LRRC7: variants seen among roughly 807,000 people sequenced by gnomAD.
LRRC7 encodes the protein leucine rich repeat containing 7, also known as leucine-rich repeat-containing protein 7.
LRRC7 carries 23 observed loss-of-function variants against 175.7 expected under a neutral mutation model. The ratio of observed to expected loss-of-function variants is 0.13; its 90% CI spans 0.09 to 0.19. LRRC7 has a LOEUF of 0.19. LRRC7 is among the 10% of genes least tolerant of loss of function. The pLI is 1.00. For missense variants in LRRC7, 1,354 were observed against 1,904.7 expected, an observed-to-expected ratio of 0.71 and a Z score of 5.38; for synonymous variants, 685 against 680.9, an observed-to-expected ratio of 1.01 and a Z score of -0.09.
intron 24 of LRRC7, among the ~76,000 whole-genome samples, chr1:70,082,174 A>C (rs182605301): frequency 1.4e-3 from 215 of 152,356 alleles, no homozygotes; most frequent in Non-Finnish European, 2.2e-3. Context: ...CAGGTGAAGA[A>C]AACTACATTC....
At chr1:70,057,468 C>G (rs983660366) in intron 23 of LRRC7, among the ~76,000 whole-genome samples, 1 of 152,056 alleles carries the variant, frequency 6.6e-6, no homozygotes, top group Admixed American at 6.5e-5. Flanking sequence ...AGCAGTTAGG[C>G]TAGACATAAT....
intron 25 of LRRC7, among the ~76,000 whole-genome samples, chr1:70,093,179 C>T (rs1332126505): frequency 6.6e-6 from 1 of 152,062 alleles, no homozygotes; most frequent in Non-Finnish European, 1.5e-5. Context: ...AATAAAGAAA[C>T]ATTGCTGTCA....
chr1:69,967,209 A>C (rs939173236), intron 8 of LRRC7, among the ~76,000 whole-genome samples: 3 of 152,086 alleles, frequency 2.0e-5, no homozygotes, highest in Non-Finnish European at 4.4e-5. Flanking sequence ...AGCATGACAC[A>C]GCAGAGACAG....
chr1:69,605,204 G>T (rs1402908021), intron 1 of LRRC7, among the ~76,000 whole-genome samples: 1 of 152,088 alleles, frequency 6.6e-6, no homozygotes, highest in South Asian at 2.1e-4. Context: ...GAGATCTGAT[G>T]GTTTTATAAA....
chr1:69,633,603 A>G (rs967694170), intron 1 of LRRC7, among the ~76,000 whole-genome samples: 1 of 151,830 alleles, frequency 6.6e-6, no homozygotes, highest in African/African-American at 2.4e-5. Flanking sequence ...TAATTTTTCT[A>G]TTTTTGGCAG....
At chr1:69,988,388 A>G (rs1293485984) in intron 10 of LRRC7, among the ~76,000 whole-genome samples, 1 of 152,134 alleles carries the variant, frequency 6.6e-6, no homozygotes, top group Non-Finnish European at 1.5e-5. Context: ...TAGGCAACAT[A>G]GCAAGACTCC....
chr1:69,896,031 A>T (rs1645969592), intron 7 of LRRC7, among the ~76,000 whole-genome samples: 1 of 152,226 alleles, frequency 6.6e-6, no homozygotes, highest in African/African-American at 2.4e-5. Flanking sequence ...TCTTTTGGGA[A>T]GTATGATATT....
chr1:69,957,909 A>G (rs1336940253), intron 8 of LRRC7, among the ~76,000 whole-genome samples: 3 of 151,980 alleles, frequency 2.0e-5, no homozygotes, highest in Non-Finnish European at 4.4e-5. Context: ...CTAGAAATGA[A>G]ACATTTTTGG....
intron 10 of LRRC7, among the ~76,000 whole-genome samples, chr1:69,990,147 T>A (rs1337895864): frequency 6.6e-6 from 1 of 152,010 alleles, no homozygotes; most frequent in Non-Finnish European, 1.5e-5. Flanking sequence ...AGGAAGGAAG[T>A]GAATGCATAA....
intron 1 of LRRC7, among the ~76,000 whole-genome samples, chr1:69,595,788 G>C (rs1204618835): frequency 6.6e-6 from 1 of 152,090 alleles, no homozygotes; most frequent in East Asian, 1.9e-4. Flanking sequence ...GTATTACAAA[G>C]ACTGTACAGA....
rs1207084319 is a variant in LRRC7 at position 70,144,082 on chromosome 1, AAATT to A, written c.*22201_*22204del. 1.3e-5 allele frequency: 2 copies of A among 152,188 alleles called. No individual in the cohort carries two copies. The highest frequency in any genetic ancestry group is 1.3e-4 in the Admixed American group (2 of 15,264). 9.4% of individuals were successfully genotyped at this position (152,188 alleles called of 1,614,324 possible). On this transcript the variant is annotated 3_prime_UTR_variant, in exon 27 of 27. Transcript: ENST00000651989. The stretch of plus-strand genomic sequence containing the variant: ...ATATTTTAAATTTACTGAACCAGTG[AAATT>A]AATTACTGTCAGTTAATTTGCAAAT...
At chr1:70,019,379 A>T (rs942384762) in intron 15 of LRRC7, among the ~76,000 whole-genome samples, 2 of 151,992 alleles carry the variant, frequency 1.3e-5, no homozygotes, top group Non-Finnish European at 2.9e-5. Context: ...CTCTTCTATG[A>T]TCACATTATT....
intron 18 of LRRC7, among the ~76,000 whole-genome samples, chr1:70,030,496 A>C (rs573407978): frequency 1.3e-5 from 2 of 152,282 alleles, no homozygotes; most frequent in African/African-American, 4.8e-5. Flanking sequence ...ACTGCAGCCA[A>C]AGTAAAGGGT....
At chr1:69,661,458 A>G (rs1657463466) in intron 1 of LRRC7, among the ~76,000 whole-genome samples, 1 of 152,148 alleles carries the variant, frequency 6.6e-6, no homozygotes, top group Non-Finnish European at 1.5e-5. Flanking sequence ...TTTCTCATCA[A>G]TGAGTCATAG....
In LRRC7 at chr1:69,648,995, A is replaced by G. The variant is rs149492991; in HGVS notation, c.3-29386A>G. 4.7e-3 allele frequency among the ~76,000 whole-genome samples: 719 copies of G among 152,376 alleles called. 7 individuals are homozygous for G. Among genetic ancestry groups the G allele is most frequent in the Non-Finnish European group, 7.7e-3 (523 of 68,036 alleles). ...GAGAAAATATTCTTTTGAGAAAGTA[A>G]TCATGTGCTGACACAGAATTAAAGA... On this transcript the variant is annotated intron_variant, in intron 1 of 26. Transcript: ENST00000651989.
At chr1:69,593,543 A>C (rs1370093042) in intron 1 of LRRC7, among the ~76,000 whole-genome samples, 2 of 152,160 alleles carry the variant, frequency 1.3e-5, no homozygotes, top group African/African-American at 4.8e-5. Context: ...AAGTATTCTC[A>C]TATGATTCTC....
At chr1:69,943,949 AACACACAC>A (rs55900412) in intron 8 of LRRC7, among the ~76,000 whole-genome samples, 2,459 of 145,488 alleles carry the variant, frequency 0.017, 33 homozygotes, top group Non-Finnish European at 0.024. Context: ...TATCATGGTA[AACACACAC>A]ACACACACAC....
At chr1:70,075,059 A>G (rs886232205) in intron 23 of LRRC7, among the ~76,000 whole-genome samples, 2 of 152,218 alleles carry the variant, frequency 1.3e-5, no homozygotes, top group Non-Finnish European at 2.9e-5. Flanking sequence ...GATCAAGAGG[A>G]AAGAAAATGA....
intron 1 of LRRC7, among the ~76,000 whole-genome samples, chr1:69,598,952 C>G (rs943047978): frequency 6.6e-6 from 1 of 152,112 alleles, no homozygotes; most frequent in African/African-American, 2.4e-5. Context: ...TCAAGGAATT[C>G]ATATATTTTG....
Sources: allele counts gnomAD v4.1 joint callset (sites outside exome capture counted in the v4.1 genomes callset), GRCh38; gene constraint gnomAD v4.1.1; transcripts MANE v1.5; gene names NCBI Gene and HGNC (gene_info 2026-07-23, HGNC 2026-07-21).